Variants in SMARCAD1 observed in about 807,000 individuals in gnomAD.
The protein encoded by SMARCAD1 is SNF2 related chromatin remodeling ATPase with DExD box 1, also known as SWI/SNF-related matrix-associated actin-dependent regulator of chromatin subfamily A containing DEAD/H box 1.
In SMARCAD1, 25 loss-of-function variants were observed where a neutral mutation model predicts 127.1. That is an observed-to-expected ratio of 0.20 (90% CI 0.14 to 0.27). SMARCAD1 has a LOEUF of 0.27. Ranked by LOEUF, SMARCAD1 falls within the 10% of genes least tolerant of loss-of-function variation. The pLI, the probability that SMARCAD1 is intolerant of heterozygous loss-of-function variation, is 1.00. For synonymous variants in SMARCAD1, 400 were observed against 396.9 expected, an observed-to-expected ratio of 1.01 and a Z score of -0.09; for missense variants, 807 against 1,206.0, an observed-to-expected ratio of 0.67 and a Z score of 4.90.
At chr4:94,215,953 G>A (rs746506599) in intron 2 of SMARCAD1, among the ~76,000 whole-genome samples, 1 of 151,846 alleles carries the variant, frequency 6.6e-6, no homozygotes. Context: ...TAAATTCCAC[G>A]TGTCTTAGTC....
intron 6 of SMARCAD1, among the ~76,000 whole-genome samples, chr4:94,241,459 G>A (rs899526841): frequency 8.5e-5 from 13 of 152,088 alleles, no homozygotes; most frequent in South Asian, 2.1e-4. Flanking sequence ...CCACTCTAAT[G>A]ACCTCATTTT....
Position 94,208,410 on chromosome 4 carries a change from C to T in SMARCAD1, c.16C>T (p.Leu6=). 6.2e-7 allele frequency: 1 copy of T among 1,614,124 alleles called. No homozygotes were observed. Among genetic ancestry groups the T allele is most frequent in the South Asian group, 1.1e-5 (1 of 91,070 alleles). ...TTCTACCAATATGAATCTTTTCAAC[C>T]TGGACCGTTTTCGCTTTGAGAAAAG... MNLFN[L]DRFRFEKRNK... is the part of the protein sequence containing the mutation. The change falls in exon 2 of 24, where the codon CTG becomes TTG. Residue 6 remains leucine, a synonymous_variant. Coordinates refer to ENST00000354268, the MANE Select transcript of SMARCAD1 (RefSeq NM_020159.5).
intron 19 of SMARCAD1, among the ~76,000 whole-genome samples, chr4:94,279,271 T>G (rs1187444120): frequency 1.3e-5 from 2 of 152,164 alleles, no homozygotes; most frequent in Admixed American, 1.3e-4. Flanking sequence ...GTTGGCCTGC[T>G]GAATAGCTGG....
chr4:94,258,040 C>T (rs1750384038), intron 9 of SMARCAD1, among the ~76,000 whole-genome samples: 1 of 150,634 alleles, frequency 6.6e-6, no homozygotes, highest in South Asian at 2.1e-4. Context: ...ATTTTTTTCT[C>T]ATTTTTTTTC....
chr4:94,288,307 T>C (rs1755242996), intron 23 of SMARCAD1, among the ~76,000 whole-genome samples: 3 of 152,186 alleles, frequency 2.0e-5, no homozygotes, highest in Admixed American at 2.0e-4. Context: ...GGTCCAAAGT[T>C]CACACACAGC....
intron 2 of SMARCAD1, among the ~76,000 whole-genome samples, chr4:94,209,192 T>C (rs551576763): frequency 6.6e-6 from 1 of 152,368 alleles, no homozygotes; most frequent in Admixed American, 6.5e-5. Flanking sequence ...CACTCGAATC[T>C]ATGTTCATTG....
chr4:94,284,482 T>G (rs1459329828), intron 22 of SMARCAD1, among the ~76,000 whole-genome samples: 1 of 151,704 alleles, frequency 6.6e-6, no homozygotes, highest in African/African-American at 2.4e-5. Flanking sequence ...CACTTCAATC[T>G]CCACCTCCCA....
intron 3 of SMARCAD1, among the ~76,000 whole-genome samples, chr4:94,228,329 T>C (rs947529132): frequency 3.9e-5 from 6 of 152,212 alleles, no homozygotes; most frequent in Non-Finnish European, 8.8e-5. Flanking sequence ...AATTGCATTA[T>C]CACTCTTCGT....
At chr4:94,256,433 G>T (rs1303923347) in intron 9 of SMARCAD1, among the ~76,000 whole-genome samples, 2 of 152,108 alleles carry the variant, frequency 1.3e-5, no homozygotes, top group East Asian at 3.9e-4. Context: ...TATGATCTCA[G>T]CTCACTGCAA....
intron 23 of SMARCAD1, among the ~76,000 whole-genome samples, chr4:94,285,274 GTA>G (rs909303325): frequency 6.4e-4 from 98 of 152,134 alleles, no homozygotes; most frequent in African/African-American, 1.8e-3. Flanking sequence ...TTTTATTTTT[GTA>G]TATGTTTTTG....
intron 14 of SMARCAD1, among the ~76,000 whole-genome samples, chr4:94,276,013 G>A (rs1417382109): frequency 7.2e-5 from 11 of 151,956 alleles, no homozygotes; most frequent in South Asian, 6.2e-4. Flanking sequence ...TAGCCAGGAT[G>A]GTCTCGATCT....
intron 10 of SMARCAD1, among the ~76,000 whole-genome samples, chr4:94,267,753 A>G (rs1175774224): frequency 6.6e-6 from 1 of 152,150 alleles, no homozygotes; most frequent in East Asian, 1.9e-4. Flanking sequence ...AGATATTTTA[A>G]TACTCTGTTG....
intron 9 of SMARCAD1, 81 bp downstream of exon 9, chr4:94,253,088 G>C: frequency 6.3e-7 from 1 of 1,595,112 alleles, no homozygotes; most frequent in Non-Finnish European, 8.5e-7. Context: ...GTTGTCTTCA[G>C]CCCAGGTAAG....
chr4:94,241,021 G>T lies in SMARCAD1; in HGVS notation c.705+15G>T. 1 of 1,573,224 alleles carries T rather than the reference G, an allele frequency of 6.4e-7. No homozygotes were observed. Among genetic ancestry groups the T allele is most frequent in the South Asian group, 1.1e-5 (1 of 90,020 alleles). On this transcript the variant is annotated intron_variant, in intron 6 of 23. Transcript: ENST00000354268. ...GACTGGATCATGTAAGTTTACATTT[G>T]AATTACAGTATCAAAATTGGCTGCT...
At chr4:94,251,992 C>T (rs541214387) in intron 8 of SMARCAD1, among the ~76,000 whole-genome samples, 49 of 152,204 alleles carry the variant, frequency 3.2e-4, no homozygotes, top group African/African-American at 1.2e-3. Flanking sequence ...GCTGGGATTA[C>T]AGGCATGCAC....
intron 9 of SMARCAD1, among the ~76,000 whole-genome samples, chr4:94,258,900 T>C (rs1354037591): frequency 2.0e-5 from 3 of 152,228 alleles, no homozygotes; most frequent in Non-Finnish European, 2.9e-5. Context: ...AAGAAACTAT[T>C]TGTTGTTTTC....
chr4:94,267,240 G>C (rs1751864031), intron 10 of SMARCAD1, among the ~76,000 whole-genome samples: 1 of 152,142 alleles, frequency 6.6e-6, no homozygotes, highest in Non-Finnish European at 1.5e-5. Context: ...CTTTGTCAGT[G>C]ATGTGAACGC....
chr4:94,287,548 C>T (rs991291197), intron 23 of SMARCAD1, among the ~76,000 whole-genome samples: 9 of 152,112 alleles, frequency 5.9e-5, no homozygotes, highest in African/African-American at 2.2e-4. Flanking sequence ...AGCAGCATCT[C>T]CTAAGAAATT....
intron 21 of SMARCAD1, among the ~76,000 whole-genome samples, 169 bp downstream of exon 21, chr4:94,281,759 G>C (rs1289132607): frequency 6.6e-6 from 1 of 152,094 alleles, no homozygotes; most frequent in East Asian, 1.9e-4. Flanking sequence ...GGTGGCTCAC[G>C]CCTGTAATCC....
Sources: gnomAD v4.1 joint callset for allele counts (sites outside exome capture counted in the v4.1 genomes callset) on GRCh38, gnomAD v4.1.1 for gene constraint, MANE v1.5 for transcripts, NCBI Gene and HGNC (gene_info 2026-07-23, HGNC 2026-07-21) for gene names.